FAM135B: variants seen among roughly 807,000 people sequenced by gnomAD.
The protein encoded by FAM135B is family with sequence similarity 135 member B.
FAM135B carries 43 observed loss-of-function variants against 127.7 expected under a neutral mutation model. The ratio of observed to expected loss-of-function variants is 0.34; its 90% CI spans 0.26 to 0.43. The LOEUF (loss-of-function observed/expected upper bound fraction) is 0.43, where lower values mean the gene tolerates loss of function less well. FAM135B is among the 20% of genes least tolerant of loss of function. The probability of loss-of-function intolerance (pLI) is 1.00; values close to 1 mark genes in which losing one functional copy is unlikely to be tolerated. For synonymous variants in FAM135B, 670 were observed against 665.1 expected (o/e 1.01, Z -0.11); for missense variants, 1,558 against 1,725.6 (o/e 0.90, Z 1.72).
intron 1 of FAM135B, among the ~76,000 whole-genome samples, chr8:138,399,695 G>A (rs573875976): frequency 8.5e-4 from 130 of 152,260 alleles, no homozygotes; most frequent in African/African-American, 3.0e-3. Flanking sequence ...AGCACACAGA[G>A]TCTCCAGTTA....
chr8:138,491,524 T>C (rs1030481212), intron 1 of FAM135B, among the ~76,000 whole-genome samples: 2 of 152,244 alleles, frequency 1.3e-5, no homozygotes. Context: ...TGTTTCTCCC[T>C]CAATCGTTTC....
At chr8:138,184,846 A>G (rs993006700) in intron 9 of FAM135B, among the ~76,000 whole-genome samples, 5 of 152,212 alleles carry the variant, frequency 3.3e-5, no homozygotes, top group Non-Finnish European at 7.3e-5. Flanking sequence ...ACTAGTGGGA[A>G]TTGCAGAATC....
chr8:138,250,389 C>T (rs554549450), intron 6 of FAM135B, among the ~76,000 whole-genome samples: 1 of 152,064 alleles, frequency 6.6e-6, no homozygotes, highest in Admixed American at 6.6e-5. Context: ...AATGAATGAA[C>T]CTTCTACATT....
intron 1 of FAM135B, among the ~76,000 whole-genome samples, chr8:138,412,189 T>C (rs1833907280): frequency 6.6e-6 from 1 of 152,076 alleles, no homozygotes; most frequent in African/African-American, 2.4e-5. Flanking sequence ...ATGCAACAAA[T>C]CTGCAAATGT....
intron 9 of FAM135B, among the ~76,000 whole-genome samples, chr8:138,184,747 G>A (rs997841983): frequency 2.6e-5 from 4 of 152,096 alleles, no homozygotes; most frequent in Admixed American, 6.5e-5. Flanking sequence ...TCCACCTAAA[G>A]GGCGACCCCC....
intron 6 of FAM135B, among the ~76,000 whole-genome samples, chr8:138,248,122 C>A (rs1449384888): frequency 1.3e-5 from 2 of 152,180 alleles, no homozygotes; most frequent in African/African-American, 4.8e-5. Flanking sequence ...TGTGCTGTCT[C>A]ATTTAATCAT....
chr8:138,428,385 T>C (rs113999955), intron 1 of FAM135B, among the ~76,000 whole-genome samples: 1,532 of 152,216 alleles, frequency 0.01, 27 homozygotes, highest in African/African-American at 0.034. Context: ...TTCAGAATGA[T>C]AGATCCAGAC....
At chr8:138,414,119 C>CATATAT (rs60918986) in intron 1 of FAM135B, among the ~76,000 whole-genome samples, 5,021 of 124,602 alleles carry the variant, frequency 0.04, 225 homozygotes, top group East Asian at 0.24. Context: ...CACACAAATA[C>CATATAT]ATATATATAT....
At chr8:138,478,955 G>A (rs7002714) in intron 1 of FAM135B, among the ~76,000 whole-genome samples, 17,504 of 152,138 alleles carry the variant, frequency 0.12, 2,704 homozygotes, top group African/African-American at 0.35. Context: ...AAGTCCAGTT[G>A]TCATCTGTGC....
At chr8:138,189,418 G>A (rs192989455) in intron 9 of FAM135B, among the ~76,000 whole-genome samples, 9 of 152,300 alleles carry the variant, frequency 5.9e-5, no homozygotes, top group Admixed American at 5.9e-4. Context: ...CGTACCACAG[G>A]TGTGGATGCA....
chr8:138,410,443 G>A lies in FAM135B; in HGVS notation c.-19-42441C>T, dbSNP rs12548423. Among the ~76,000 whole-genome samples the A allele has an allele frequency of 2.5e-4, 38 of 152,272 alleles. No individual in the cohort carries two copies. The South Asian group carries it at 7.5e-3, about 30-fold the overall frequency. ...TTGTAAACTGCCTTATGGAACTGGC[G>A]ATATAGCCAAGGGACTGAGGGAAGC... On this transcript the variant is annotated intron_variant, in intron 1 of 19. Coordinates refer to ENST00000395297, the MANE Select transcript of FAM135B (RefSeq NM_015912.4).
chr8:138,228,064 C>T (rs1819610472), intron 7 of FAM135B, among the ~76,000 whole-genome samples: 1 of 152,138 alleles, frequency 6.6e-6, no homozygotes, highest in Non-Finnish European at 1.5e-5. Context: ...CATGTGACTG[C>T]ATTCTGACCC....
chr8:138,453,952 A>T (rs1015258184), intron 1 of FAM135B, among the ~76,000 whole-genome samples: 1 of 152,110 alleles, frequency 6.6e-6, no homozygotes, highest in Non-Finnish European at 1.5e-5. Context: ...TTATTTCACG[A>T]AAGAGAAATC....
At chr8:138,309,671 C>T (rs997478232) in intron 3 of FAM135B, among the ~76,000 whole-genome samples, 2 of 152,138 alleles carry the variant, frequency 1.3e-5, no homozygotes, top group Non-Finnish European at 2.9e-5. Context: ...TTCCTCTCAC[C>T]ATAACACGTT....
At chr8:138,409,026 C>T (rs10096691) in intron 1 of FAM135B, among the ~76,000 whole-genome samples, 61,400 of 152,010 alleles carry the variant, frequency 0.4, 13,358 homozygotes, top group African/African-American at 0.58. Context: ...GACCTTTTCC[C>T]TTATATTTAC....
At chr8:138,218,786 G>C (rs1174937381) in intron 7 of FAM135B, among the ~76,000 whole-genome samples, 3 of 93,864 alleles carry the variant, frequency 3.2e-5, no homozygotes, top group African/African-American at 9.8e-5. Context: ...GAGAGAGAGA[G>C]AGAGAGAGAG....
Position 138,152,156 on chromosome 8 carries a change from A to G in FAM135B, c.2319T>C (p.Ala773=), listed in dbSNP as rs148250978. The change falls in exon 13 of 20, where the codon GCT becomes GCC. Residue 773 remains alanine, a synonymous_variant. Transcript: ENST00000395297. ...CCTCCTCTGGGCTACTGATGTGGGGAGCAGATACAGACTTGGTTAACTTAG... is the reference window on the plus strand; with the variant it reads ...CCTCCTCTGGGCTACTGATGTGGGGGGCAGATACAGACTTGGTTAACTTAG... ...ALTKLTKSVS[A]PHISSPEEAA... is the part of the protein sequence containing the mutation. 8.1e-4 allele frequency: 1,308 copies of G among 1,613,888 alleles called. 8 individuals carry two copies. The highest frequency in any genetic ancestry group is 7.3e-3 in the Middle Eastern group (44 of 6,062).
intron 1 of FAM135B, among the ~76,000 whole-genome samples, chr8:138,472,971 T>C (rs1461022783): frequency 6.6e-6 from 1 of 152,162 alleles, no homozygotes; most frequent in African/African-American, 2.4e-5. Flanking sequence ...TGCACATCCA[T>C]GATAGGGCAC....
chr8:138,369,584 A>C (rs1830984948), intron 1 of FAM135B, among the ~76,000 whole-genome samples: 2 of 152,208 alleles, frequency 1.3e-5, no homozygotes, highest in Non-Finnish European at 2.9e-5. Context: ...GCAAACATGG[A>C]AAGGCCTGGC....
Sources: allele counts gnomAD v4.1 joint callset (sites outside exome capture counted in the v4.1 genomes callset), GRCh38; gene constraint gnomAD v4.1.1; transcripts MANE v1.5; gene names NCBI Gene and HGNC (gene_info 2026-07-23, HGNC 2026-07-21).